Variants in ZNF451 observed in about 807,000 individuals in gnomAD.
ZNF451 encodes E3 SUMO-protein ligase ZNF451.
A neutral mutation model predicts 107.1 loss-of-function variants in ZNF451; 80 were observed. That is an observed-to-expected ratio of 0.75 (90% CI 0.62 to 0.90). ZNF451 has a LOEUF of 0.90. Among genes scored for constraint, ZNF451 ranks in the 40% least tolerant of loss-of-function variants. The pLI is 0.00. For synonymous variants in ZNF451, 362 were observed against 406.5 expected (o/e 0.89, Z 1.32); for missense variants, 1,107 against 1,236.2 (o/e 0.90, Z 1.57).
At chr6:57,099,466 C>T (rs1488646562) in intron 3 of ZNF451, 3 of 716,898 alleles carry the variant, frequency 4.2e-6, no homozygotes, top group Non-Finnish European at 5.2e-6. Flanking sequence ...TTACTCTCCT[C>T]AGGTGCCCTA....
chr6:57,135,819 A>G lies in ZNF451; in HGVS notation c.702+949A>G, dbSNP rs1484665748. 5.3e-5 allele frequency among the ~76,000 whole-genome samples: 8 copies of G among 152,300 alleles called. No individual in the cohort carries two copies. In the East Asian group the frequency reaches 1.5e-3, roughly 29 times the overall value. On this transcript the variant is annotated intron_variant, in intron 7 of 14. Transcript: ENST00000370706. ...AACCTTTGAGAATATCCATATTTGG[A>G]TATTTGAGTAAATATCAAATTGGAT...
Position 57,169,675 on chromosome 6 carries a change from T to C in ZNF451, c.*1206T>C, listed in dbSNP as rs1436473094. On this transcript the variant is annotated 3_prime_UTR_variant, in exon 15 of 15. Transcript: ENST00000370706. ...GTGTGAAATTGAATTTTTTTATTACTATAGTCTTTTCAATCTATAATTTGT... is the reference window on the plus strand; with the variant it reads ...GTGTGAAATTGAATTTTTTTATTACCATAGTCTTTTCAATCTATAATTTGT... 2 of 152,344 alleles carry C rather than the reference T, an allele frequency of 1.3e-5. No individual in the cohort carries two copies. The highest frequency in any genetic ancestry group is 3.9e-4 in the East Asian group (2 of 5,190). The allele number at this position is 152,344 out of a possible 1,614,324, so 9.4% of individuals were successfully genotyped here.
At position 57,109,037 on chromosome 6, in the gene ZNF451, A is replaced by G. The variant is rs1041113648; in HGVS notation, c.186+9896A>G. 14 of 985,198 alleles carry G rather than the reference A, an allele frequency of 1.4e-5. No homozygotes were observed. The African/African-American group carries it at 2.4e-4, about 17-fold the overall frequency. The allele number at this position is 985,198 out of a possible 1,614,324, so 61.0% of individuals were successfully genotyped here. A position where few individuals can be genotyped will look rare whatever the true frequency, so the allele number is the denominator to read the frequency against. On this transcript the variant is annotated intron_variant, in intron 3 of 14. Transcript: ENST00000370706. Reference sequence around the variant, plus strand: ...ATACACAAATCTTTTCATTTTCTGAACTTCCTTTATGGCTTTACTGTCACC... The same window carrying G: ...ATACACAAATCTTTTCATTTTCTGAGCTTCCTTTATGGCTTTACTGTCACC...
At chr6:57,095,190 T>C (rs964597853) in intron 2 of ZNF451, among the ~76,000 whole-genome samples, 5 of 152,288 alleles carry the variant, frequency 3.3e-5, no homozygotes, top group Admixed American at 3.3e-4. Context: ...ACTCAATCTC[T>C]TTGCCATTTT....
At position 57,124,866 on chromosome 6, in the gene ZNF451, G is replaced by C; in HGVS notation, c.312+7G>C. 1 of 1,524,066 alleles carries C rather than the reference G, an allele frequency of 6.6e-7. No individual in the cohort carries two copies. The highest frequency in any genetic ancestry group is 8.8e-7 in the Non-Finnish European group (1 of 1,136,724). 94.4% of individuals were successfully genotyped at this position (1,524,066 alleles called of 1,614,324 possible). ...GAAGAATAGAGCATTCAGAGTATGT[G>C]CTATTTTAATTGGTATTTTATATAA... On this transcript the variant is annotated splice_region_variant and intron_variant, in intron 4 of 14. Transcript: ENST00000370706.
chr6:57,150,930 G>C (rs1240590179), intron 11 of ZNF451, 68 bp downstream of exon 11: 10 of 1,573,954 alleles, frequency 6.4e-6, no homozygotes, highest in Non-Finnish European at 8.7e-6. Flanking sequence ...AGTTTAAAAG[G>C]CTCCTCTTAA....
chr6:57,110,420 C>G (rs1358774565), intron 3 of ZNF451, among the ~76,000 whole-genome samples: 1 of 152,068 alleles, frequency 6.6e-6, no homozygotes, highest in Non-Finnish European at 1.5e-5. Flanking sequence ...TCTTTCTTTC[C>G]CGGAACTGAG....
chr6:57,105,786 A>C, intron 3 of ZNF451: 2 of 985,448 alleles, frequency 2.0e-6, no homozygotes, highest in Non-Finnish European at 2.4e-6. Flanking sequence ...TTACTTGGTT[A>C]GAATAAGCAA....
At chr6:57,121,829 T>C (rs1284220581) in intron 3 of ZNF451, among the ~76,000 whole-genome samples, 1 of 152,202 alleles carries the variant, frequency 6.6e-6, no homozygotes, top group African/African-American at 2.4e-5. Flanking sequence ...GATTTAACAC[T>C]GTTCTTATCA....
intron 2 of ZNF451, among the ~76,000 whole-genome samples, chr6:57,093,682 T>A (rs962965449): frequency 6.6e-6 from 1 of 152,178 alleles, no homozygotes; most frequent in Non-Finnish European, 1.5e-5. Flanking sequence ...TAGTAGTAGT[T>A]AGTAGTAGTA....
intron 2 of ZNF451, among the ~76,000 whole-genome samples, chr6:57,095,805 CTTT>C (rs751828785): frequency 1.4e-4 from 21 of 150,870 alleles, no homozygotes; most frequent in South Asian, 6.3e-4. Flanking sequence ...ATTACTGCAG[CTTT>C]TTTTTTTTGT....
chr6:57,138,737 A>ATG (rs1291098237), intron 7 of ZNF451, among the ~76,000 whole-genome samples: 91 of 91,228 alleles, frequency 1.0e-3, no homozygotes, highest in East Asian at 3.7e-3. Context: ...ATATATATAT[A>ATG]TATATGTGTG....
At chr6:57,149,724 G>C (rs1832256881) in intron 10 of ZNF451, among the ~76,000 whole-genome samples, 1 of 152,078 alleles carries the variant, frequency 6.6e-6, no homozygotes, top group South Asian at 2.1e-4. Context: ...GTCATGGCAT[G>C]TTTTCAGTGG....
chr6:57,110,248 GA>G (rs1194538491), intron 3 of ZNF451, among the ~76,000 whole-genome samples: 1 of 152,120 alleles, frequency 6.6e-6, no homozygotes, highest in African/African-American at 2.4e-5. Context: ...GAACAGAAAT[GA>G]AGGAGACTAA....
chr6:57,106,220 A>G (rs1410926819), intron 3 of ZNF451: 2 of 985,208 alleles, frequency 2.0e-6, no homozygotes, highest in Admixed American at 6.2e-5. Flanking sequence ...TCTTGAAGAT[A>G]TAACTAGTTG....
In ZNF451 at chr6:57,152,200, TG is replaced by T. The variant is rs1000040591; in HGVS notation, c.2753-20del. 6.3e-7 allele frequency: 1 copy of T among 1,591,080 alleles called. No individual in the cohort carries two copies. The highest frequency in any genetic ancestry group is 8.5e-7 in the Non-Finnish European group (1 of 1,170,550). On this transcript the variant is annotated intron_variant, in intron 11 of 14. Coordinates refer to ENST00000370706, the MANE Select transcript of ZNF451 (RefSeq NM_001031623.3). Reference sequence around the variant, plus strand: ...TCCTCTCCTGTTTGATTATCATTTTTGCCTTTTCTAAAATTAATAGGAGGAA... The same window carrying T: ...TCCTCTCCTGTTTGATTATCATTTTTCCTTTTCTAAAATTAATAGGAGGAA...
intron 3 of ZNF451, among the ~76,000 whole-genome samples, chr6:57,115,790 C>T (rs1830337831): frequency 6.6e-6 from 1 of 152,242 alleles, no homozygotes; most frequent in East Asian, 1.9e-4. Context: ...GTGCTTCTCC[C>T]CAACACTGAT....
chr6:57,099,484 G>C (rs1562587894), intron 3 of ZNF451: 5 of 716,914 alleles, frequency 7.0e-6, no homozygotes, highest in Non-Finnish European at 7.8e-6. Context: ...CTATACAACA[G>C]GATTCTTTTG....
At chr6:57,108,698 T>A in intron 3 of ZNF451, 1 of 985,442 alleles carries the variant, frequency 1.0e-6, no homozygotes, top group Non-Finnish European at 1.2e-6. Flanking sequence ...TGACAGGTCT[T>A]GGAAGCATGT....
Sources: allele counts gnomAD v4.1 joint callset (sites outside exome capture counted in the v4.1 genomes callset), GRCh38; gene constraint gnomAD v4.1.1; transcripts MANE v1.5; gene names NCBI Gene and HGNC (gene_info 2026-07-23, HGNC 2026-07-21).